Variants in LPAR1 observed in about 807,000 individuals in gnomAD.
The protein encoded by LPAR1 is LPA receptor 1.
A neutral mutation model predicts 23.8 loss-of-function variants in LPAR1; 5 were observed. The ratio of observed to expected loss-of-function variants is 0.21; its 90% confidence interval spans 0.11 to 0.44. LPAR1 has a LOEUF of 0.44. Ranked by LOEUF, LPAR1 falls within the 20% of genes least tolerant of loss-of-function variation. LPAR1 has a pLI of 0.99. For missense variants in LPAR1, 311 were observed against 482.8 expected (o/e 0.64, Z 3.33); for synonymous variants, 160 against 164.7 (o/e 0.97, Z 0.22).
intron 5 of LPAR1, among the ~76,000 whole-genome samples, chr9:110,919,038 G>C (rs1274620740): frequency 6.6e-6 from 1 of 152,142 alleles, no homozygotes; most frequent in African/African-American, 2.4e-5. Context: ...TACAGTTATA[G>C]GATGCCACTC....
chr9:110,887,166 G>A (rs1160909674), intron 5 of LPAR1, among the ~76,000 whole-genome samples: 2 of 152,066 alleles, frequency 1.3e-5, no homozygotes, highest in East Asian at 3.9e-4. Context: ...TTTCTTTGCA[G>A]TTCATGAATC....
chr9:110,985,767 T>C (rs1484379662), intron 2 of LPAR1, among the ~76,000 whole-genome samples: 1 of 152,070 alleles, frequency 6.6e-6, no homozygotes, highest in Admixed American at 6.6e-5. Flanking sequence ...TTAGAATAAG[T>C]GTCACTATGA....
chr9:111,007,837 T>C (rs2097251842), intron 2 of LPAR1, among the ~76,000 whole-genome samples: 1 of 152,148 alleles, frequency 6.6e-6, no homozygotes, highest in African/African-American at 2.4e-5. Flanking sequence ...TACAAAACTA[T>C]ATCCGGGAAA....
At chr9:110,940,859 T>C (rs1032911435) in intron 5 of LPAR1, among the ~76,000 whole-genome samples, 1 of 152,120 alleles carries the variant, frequency 6.6e-6, no homozygotes, top group Non-Finnish European at 1.5e-5. Context: ...CTACTACAAA[T>C]AGAAAATTAA....
chr9:110,943,657 C>T (rs769198529), intron 4 of LPAR1, among the ~76,000 whole-genome samples: 8 of 152,064 alleles, frequency 5.3e-5, no homozygotes, highest in South Asian at 2.1e-4. Context: ...GTCAGAAGTT[C>T]GAGACCAGCC....
At chr9:110,992,189 C>G (rs2096909672) in intron 2 of LPAR1, among the ~76,000 whole-genome samples, 1 of 151,870 alleles carries the variant, frequency 6.6e-6, no homozygotes, top group African/African-American at 2.4e-5. Context: ...TAAGAAATTT[C>G]AAAATTCAAA....
intron 2 of LPAR1, among the ~76,000 whole-genome samples, chr9:111,016,290 G>A (rs987545175): frequency 1.3e-5 from 2 of 152,100 alleles, no homozygotes; most frequent in South Asian, 2.1e-4. Flanking sequence ...GACCAACCAG[G>A]TATCATAAAT....
At chr9:110,905,940 T>G (rs973679624) in intron 5 of LPAR1, among the ~76,000 whole-genome samples, 3 of 152,192 alleles carry the variant, frequency 2.0e-5, no homozygotes, top group African/African-American at 4.8e-5. Flanking sequence ...TTTACAGCAG[T>G]GCTATAAGAA....
chr9:110,977,783 GGAAA>G (rs2096582107), intron 2 of LPAR1, among the ~76,000 whole-genome samples: 1 of 125,708 alleles, frequency 8.0e-6, no homozygotes, highest in African/African-American at 2.8e-5. Context: ...TAAAACAGAA[GGAAA>G]GAAGGAAGGA....
chr9:110,956,015 C>A (rs183737657), intron 4 of LPAR1, among the ~76,000 whole-genome samples: 2 of 151,666 alleles, frequency 1.3e-5, no homozygotes, highest in Non-Finnish European at 2.9e-5. Context: ...CAAAATCAAG[C>A]CCCAAATAAA....
At chr9:110,879,467 G>A (rs1233401567) in intron 5 of LPAR1, among the ~76,000 whole-genome samples, 1 of 141,954 alleles carries the variant, frequency 7.0e-6, no homozygotes, top group Non-Finnish European at 1.5e-5. Flanking sequence ...GTTATTTATT[G>A]TAACATCAGA....
At chr9:110,889,348 ACT>A (rs2083381524) in intron 5 of LPAR1, among the ~76,000 whole-genome samples, 1 of 152,102 alleles carries the variant, frequency 6.6e-6, no homozygotes, top group African/African-American at 2.4e-5. Context: ...ACAGAGTAAG[ACT>A]CTGTCTCAAA....
chr9:110,918,324 C>A (rs541426062), intron 5 of LPAR1, among the ~76,000 whole-genome samples: 55 of 152,088 alleles, frequency 3.6e-4, no homozygotes, highest in African/African-American at 1.3e-3. Context: ...AAGAACCACC[C>A]AACATGAATG....
intron 2 of LPAR1, among the ~76,000 whole-genome samples, chr9:111,029,614 GAT>G (rs1432279447): frequency 6.6e-6 from 1 of 152,100 alleles, no homozygotes; most frequent in Non-Finnish European, 1.5e-5. Context: ...TCCATCCTCA[GAT>G]ATGCAGACAG....
At chr9:110,883,125 T>C (rs1339379045) in intron 5 of LPAR1, among the ~76,000 whole-genome samples, 2 of 152,156 alleles carry the variant, frequency 1.3e-5, no homozygotes, top group East Asian at 3.9e-4. Context: ...CTGCAACCTC[T>C]GCCTCCCAGA....
intron 2 of LPAR1, among the ~76,000 whole-genome samples, chr9:111,018,599 C>G (rs2140977296): frequency 6.6e-6 from 1 of 152,102 alleles, no homozygotes; most frequent in South Asian, 2.1e-4. Context: ...AGGGAATATC[C>G]CATAAACTTG....
chr9:110,937,727 T>G (rs1049649341), intron 5 of LPAR1, among the ~76,000 whole-genome samples: 10 of 152,308 alleles, frequency 6.6e-5, no homozygotes, highest in Middle Eastern at 6.8e-3. Flanking sequence ...ATGACTTTAT[T>G]TTAATATAAC....
At chr9:110,903,995 G>C (rs993914692) in intron 5 of LPAR1, among the ~76,000 whole-genome samples, 1 of 151,512 alleles carries the variant, frequency 6.6e-6, no homozygotes, top group Non-Finnish European at 1.5e-5. Context: ...AACCATATAG[G>C]CCAGAAGGAA....
At chr9:110,992,485 G>A (rs1364866177) in intron 2 of LPAR1, among the ~76,000 whole-genome samples, 1 of 152,110 alleles carries the variant, frequency 6.6e-6, no homozygotes, top group Non-Finnish European at 1.5e-5. Context: ...TAACTCCTAG[G>A]TATTTACCCA....
Sources: gnomAD v4.1 joint callset for allele counts (sites outside exome capture counted in the v4.1 genomes callset) on GRCh38, gnomAD v4.1.1 for gene constraint, MANE v1.5 for transcripts, NCBI Gene and HGNC (gene_info 2026-07-23, HGNC 2026-07-21) for gene names.